SLC25A21: variants seen among roughly 807,000 people sequenced by gnomAD.
SLC25A21 encodes solute carrier family 25 member 21.
Under a neutral mutation model 43.8 loss-of-function variants are expected in SLC25A21, and 47 were observed. The observed-to-expected ratio is 1.07, with a 90% CI of 0.85 to 1.37. SLC25A21 has a LOEUF of 1.37. SLC25A21 is among the 40% of genes most tolerant of loss of function. The pLI, the probability that SLC25A21 is intolerant of heterozygous loss-of-function variation, is 0.00. For missense variants in SLC25A21, 352 were observed against 350.2 expected, an observed-to-expected ratio of 1.00 and a Z score of -0.04; for synonymous variants, 131 against 121.3, an observed-to-expected ratio of 1.08 and a Z score of -0.52.
intron 1 of SLC25A21, among the ~76,000 whole-genome samples, chr14:36,947,825 T>G (rs1449023483): frequency 1.3e-5 from 2 of 152,166 alleles, no homozygotes; most frequent in Non-Finnish European, 2.9e-5. Flanking sequence ...AATCCGATAT[T>G]CATTTTTCCT....
intron 3 of SLC25A21, among the ~76,000 whole-genome samples, chr14:36,758,292 G>A (rs980703144): frequency 6.6e-6 from 1 of 152,080 alleles, no homozygotes; most frequent in African/African-American, 2.4e-5. Flanking sequence ...TTACTGCTAG[G>A]GCTTCAAGTG....
Position 36,679,514 on chromosome 14 carries a change from A to C in SLC25A21, c.*1144T>G. 3 of 985,424 alleles carry C rather than the reference A, an allele frequency of 3.0e-6. No individual in the cohort carries two copies. The highest frequency in any genetic ancestry group is 3.6e-6 in the Non-Finnish European group (3 of 829,914). 61.0% of individuals were successfully genotyped at this position (985,424 alleles called of 1,614,324 possible). On this transcript the variant is annotated 3_prime_UTR_variant, in exon 10 of 10. Coordinates refer to ENST00000331299, the MANE Select transcript of SLC25A21 (RefSeq NM_030631.4). ...GAATCAGCATCATCTCTGGATGCAG[A>C]TATAAAATCAAGTTTGGTTACATCA...
intron 1 of SLC25A21, among the ~76,000 whole-genome samples, chr14:37,139,045 G>A (rs555223536): frequency 1.3e-5 from 2 of 152,094 alleles, no homozygotes; most frequent in South Asian, 4.1e-4. Flanking sequence ...ATAAAAGATA[G>A]AACATTTTAT....
At chr14:36,981,454 A>C (rs1960020325) in intron 1 of SLC25A21, among the ~76,000 whole-genome samples, 1 of 152,228 alleles carries the variant, frequency 6.6e-6, no homozygotes, top group Admixed American at 6.5e-5. Context: ...TCCAACAATG[A>C]TAGACTGGAT....
chr14:36,779,594 A>G (rs1886969742), intron 3 of SLC25A21, among the ~76,000 whole-genome samples: 1 of 118,098 alleles, frequency 8.5e-6, no homozygotes, highest in Non-Finnish European at 1.7e-5. Context: ...AAAGAAAGGA[A>G]TGTATATGTG....
chr14:36,989,204 T>A (rs973026240), intron 1 of SLC25A21, among the ~76,000 whole-genome samples: 1 of 152,200 alleles, frequency 6.6e-6, no homozygotes, highest in African/African-American at 2.4e-5. Context: ...GCAGTCTTTG[T>A]TTCCTCTCCT....
intron 1 of SLC25A21, among the ~76,000 whole-genome samples, chr14:36,900,468 T>C (rs1891368568): frequency 6.6e-6 from 1 of 152,230 alleles, no homozygotes; most frequent in Non-Finnish European, 1.5e-5. Context: ...ATGACACTTT[T>C]GCTGCTTCCT....
At chr14:37,064,433 T>C (rs1962016389) in intron 1 of SLC25A21, among the ~76,000 whole-genome samples, 1 of 152,064 alleles carries the variant, frequency 6.6e-6, no homozygotes, top group Non-Finnish European at 1.5e-5. Flanking sequence ...TCTCTCTCTC[T>C]TTTTCTACCT....
chr14:37,077,115 T>C (rs575149550), intron 1 of SLC25A21, among the ~76,000 whole-genome samples: 1 of 152,334 alleles, frequency 6.6e-6, no homozygotes, highest in South Asian at 2.1e-4. Context: ...ATTTCAGCAC[T>C]GTAGCACTGT....
At chr14:37,089,472 A>G (rs1178689830) in intron 1 of SLC25A21, among the ~76,000 whole-genome samples, 1 of 152,212 alleles carries the variant, frequency 6.6e-6, no homozygotes, top group Non-Finnish European at 1.5e-5. Flanking sequence ...TTCCACTGGT[A>G]TGTTATTAGC....
At position 36,991,224 on chromosome 14, in the gene SLC25A21, C is replaced by T. The variant is rs144160616; in HGVS notation, c.71-116220G>A. Reference sequence around the variant, plus strand: ...CAAAGCTGTTGACCACAGTGGATTGCCCATTCAGGTTGCTGAATAACATTC... The same window carrying T: ...CAAAGCTGTTGACCACAGTGGATTGTCCATTCAGGTTGCTGAATAACATTC... On this transcript the variant is annotated intron_variant, in intron 1 of 9. Coordinates refer to ENST00000331299, the MANE Select transcript of SLC25A21 (RefSeq NM_030631.4). 3.6e-3 allele frequency among the ~76,000 whole-genome samples: 547 copies of T among 152,250 alleles called. 4 individuals carry two copies. Among genetic ancestry groups the T allele is most frequent in the African/African-American group, 0.013 (529 of 41,546 alleles).
intron 3 of SLC25A21, among the ~76,000 whole-genome samples, chr14:36,754,698 T>C (rs2139266425): frequency 6.6e-6 from 1 of 150,912 alleles, no homozygotes; most frequent in Admixed American, 6.6e-5. Context: ...TGATATAAAT[T>C]GATGGCACGA....
chr14:36,764,267 G>C (rs1434305405), intron 3 of SLC25A21, among the ~76,000 whole-genome samples: 1 of 151,492 alleles, frequency 6.6e-6, no homozygotes, highest in Non-Finnish European at 1.5e-5. Flanking sequence ...CACTCACTCG[G>C]TCCAATAACA....
intron 2 of SLC25A21, among the ~76,000 whole-genome samples, chr14:36,843,328 A>T (rs1292682438): frequency 1.3e-5 from 2 of 152,186 alleles, no homozygotes; most frequent in African/African-American, 4.8e-5. Flanking sequence ...ATCCTTGGTT[A>T]AAAAAGTCCA....
At chr14:37,101,778 T>C (rs951368805) in intron 1 of SLC25A21, among the ~76,000 whole-genome samples, 6 of 152,136 alleles carry the variant, frequency 3.9e-5, no homozygotes, top group Non-Finnish European at 8.8e-5. Context: ...GAAAATGCAA[T>C]AAAAAGAAAA....
rs537667315 is a variant in SLC25A21 at position 37,015,441 on chromosome 14, T to C, written c.71-140437A>G. Among the ~76,000 whole-genome samples, 132 of 152,218 alleles carry C rather than the reference T, an allele frequency of 8.7e-4. 1 individual carries two copies. The highest frequency in any genetic ancestry group is 1.5e-3 in the Non-Finnish European group (102 of 68,022). ...CACATTTTCTTAATCCAGTCTAGCATTGTTGGACATTTGGGTTGGTTCCAA... is the reference window on the plus strand; with the variant it reads ...CACATTTTCTTAATCCAGTCTAGCACTGTTGGACATTTGGGTTGGTTCCAA... On this transcript the variant is annotated intron_variant, in intron 1 of 9. Transcript: ENST00000331299.
intron 1 of SLC25A21, among the ~76,000 whole-genome samples, chr14:36,958,331 G>C (rs1959395288): frequency 6.6e-6 from 1 of 152,150 alleles, no homozygotes; most frequent in African/African-American, 2.4e-5. Flanking sequence ...TCATTTCCAA[G>C]TTTTGTCCCA....
intron 1 of SLC25A21, among the ~76,000 whole-genome samples, chr14:37,109,481 T>C (rs1962980202): frequency 6.6e-6 from 1 of 152,170 alleles, no homozygotes; most frequent in Non-Finnish European, 1.5e-5. Context: ...ATTTCTTTTT[T>C]CAGTGAAATT....
chr14:36,912,800 G>A (rs1179851023), intron 1 of SLC25A21, among the ~76,000 whole-genome samples: 1 of 152,096 alleles, frequency 6.6e-6, no homozygotes, highest in Admixed American at 6.6e-5. Context: ...CAAGTTAGGT[G>A]CCCATCTTAT....
Sources: allele counts gnomAD v4.1 joint callset (sites outside exome capture counted in the v4.1 genomes callset), GRCh38; gene constraint gnomAD v4.1.1; transcripts MANE v1.5; gene names NCBI Gene and HGNC (gene_info 2026-07-23, HGNC 2026-07-21).